Variants in MRPL34 observed in about 807,000 individuals in gnomAD.
The protein encoded by MRPL34 is large ribosomal subunit protein bL34m.
A neutral mutation model predicts 6.7 loss-of-function variants in MRPL34; 8 were observed. The observed-to-expected ratio is 1.20, with a 90% CI of 0.70 to 2.16. The LOEUF is 2.16. Ranked by LOEUF, MRPL34 falls within the 30% of genes most tolerant of loss-of-function variation. The pLI, the probability that MRPL34 is intolerant of heterozygous loss-of-function variation, is 0.00. For synonymous variants in MRPL34, 59 were observed against 55.1 expected, an observed-to-expected ratio of 1.07 and a Z score of -0.31; for missense variants, 146 against 125.5, an observed-to-expected ratio of 1.16 and a Z score of -0.78.
rs1039238148 is a variant in MRPL34, at chr19:17,294,240, A to G, written c.214+1386A>G. ...CGCAGAGGCCACGCCCCTCCCGGGC[A>G]GCACCCTGGGGATTTGTAGCTGTGG... On this transcript the variant is annotated intron_variant, in intron 1 of 2. Coordinates refer to the MRPL34 transcript ENST00000595444. 3 of 1,575,410 alleles carry G rather than the reference A, an allele frequency of 1.9e-6. No homozygotes were observed. The African/African-American group carries it at 4.0e-5, about 21-fold the overall frequency.
upstream of MRPL34, among the ~76,000 whole-genome samples, chr19:17,303,673 G>A (rs2074132516): frequency 6.6e-6 from 1 of 152,190 alleles, no homozygotes; most frequent in African/African-American, 2.4e-5. Flanking sequence ...GGGAGTGTGC[G>A]GCCGGGGCCC....
At chr19:17,294,286 A>T in intron 1 of MRPL34, 2 of 1,600,730 alleles carry the variant, frequency 1.2e-6, no homozygotes, top group Non-Finnish European at 1.7e-6. Context: ...GCCCGCCTCT[A>T]CCTCGGCCAT....
chr19:17,305,241 CTTTTTTTTTTT>C (rs34823570), upstream of MRPL34, among the ~76,000 whole-genome samples: 8 of 121,224 alleles, frequency 6.6e-5, no homozygotes, highest in South Asian at 1.6e-3. Flanking sequence ...ATTTTTCTTC[CTTTTTTTTTTT>C]TTTTTTTTTG....
At chr19:17,303,140 T>A (rs2074128922), upstream of MRPL34, 1 of 152,346 alleles carries the variant, frequency 6.6e-6, no homozygotes, top group Non-Finnish European at 1.5e-5. Context: ...TGGGGCTCCG[T>A]GGCTTCCTAC....
upstream of MRPL34, among the ~76,000 whole-genome samples, chr19:17,300,199 C>T (rs1319516607): frequency 6.6e-6 from 1 of 151,658 alleles, no homozygotes; most frequent in Non-Finnish European, 1.5e-5. Context: ...CCACCGCGCC[C>T]GGATTTTTTT....
chr19:17,301,476 C>T (rs1389524838), upstream of MRPL34: 1 of 1,611,618 alleles, frequency 6.2e-7, no homozygotes, highest in Non-Finnish European at 8.5e-7. Flanking sequence ...GTCCTGCATG[C>T]TTCACCCGCA....
At chr19:17,298,733 T>C (rs1656371820), upstream of MRPL34, among the ~76,000 whole-genome samples, 1 of 133,700 alleles carries the variant, frequency 7.5e-6, no homozygotes, top group Non-Finnish European at 1.6e-5. Context: ...TGAACAACAC[T>C]GCTTTTTTTT....
intron 1 of MRPL34, chr19:17,294,870 G>A: frequency 6.2e-7 from 1 of 1,608,030 alleles, no homozygotes; most frequent in Non-Finnish European, 8.5e-7. Context: ...TGGGGTGATA[G>A]GAGGATTGAA....
At chr19:17,294,557 G>A in intron 1 of MRPL34, 1 of 1,611,004 alleles carries the variant, frequency 6.2e-7, no homozygotes, top group African/African-American at 1.3e-5. Flanking sequence ...CGACTGCCGT[G>A]GGGTGCCCCC....
rs763607327 is a variant in MRPL34, at chr19:17,306,293, G to C, written c.193G>C (p.Gly65Arg). 6.2e-7 allele frequency: 1 copy of C among 1,610,008 alleles called. No individual in the cohort carries two copies. Among genetic ancestry groups the C allele is most frequent in the African/African-American group, 1.3e-5 (1 of 74,884 alleles). The change falls in exon 2 of 2, where the codon GGC (glycine) becomes CGC (arginine). Residue 65 changes from glycine to arginine, a missense_variant. Gly to Arg is a moderately radical substitution (Grantham distance 125). Coordinates refer to ENST00000252602, the MANE Select transcript of MRPL34 (RefSeq NM_023937.4). The part of the protein sequence containing the change: ...PSNIKRKNKH[G>R]WVRRLSTPAG... The stretch of plus-strand genomic sequence containing the variant: ...CAACATCAAACGCAAGAACAAGCAC[G>C]GCTGGGTCCGGCGCCTGAGCACGCC...
upstream of MRPL34, among the ~76,000 whole-genome samples, chr19:17,303,915 T>C (rs1378309251): frequency 3.9e-5 from 6 of 152,208 alleles, no homozygotes; most frequent in African/African-American, 1.4e-4. Context: ...CCCAAGGCTG[T>C]GTGATTCCAA....
chr19:17,301,412 G>A (rs1376563081), upstream of MRPL34: 1 of 1,612,114 alleles, frequency 6.2e-7, no homozygotes, highest in South Asian at 1.1e-5. Flanking sequence ...AGGTCCCCCT[G>A]GGCTGCATCC....
upstream of MRPL34, chr19:17,301,617 G>A (rs145834574): frequency 4.9e-3 from 7,560 of 1,541,124 alleles, 24 homozygotes; most frequent in Non-Finnish European, 6.2e-3. Flanking sequence ...CGGTCAGCAT[G>A]GTGTGTCCTG....
At chr19:17,301,368 G>T (rs748727592), upstream of MRPL34, 1 of 1,610,890 alleles carries the variant, frequency 6.2e-7, no homozygotes, top group Non-Finnish European at 8.5e-7. Context: ...TGCGGTACAC[G>T]GTGATCCGGC....
intron 1 of MRPL34, chr19:17,294,389 C>T: frequency 6.2e-7 from 1 of 1,614,008 alleles, no homozygotes; most frequent in Non-Finnish European, 8.5e-7. Context: ...ACCTCGTCGC[C>T]CTCGGGCCAG....
chr19:17,300,275 A>C (rs1186641373), upstream of MRPL34, among the ~76,000 whole-genome samples: 1 of 148,360 alleles, frequency 6.7e-6, no homozygotes, highest in Non-Finnish European at 1.5e-5. Flanking sequence ...GTGTGATCAC[A>C]GTTCACTGCA....
chr19:17,293,989 C>G (rs951656787), intron 1 of MRPL34, among the ~76,000 whole-genome samples: 3 of 152,144 alleles, frequency 2.0e-5, no homozygotes, highest in Admixed American at 6.5e-5. Context: ...CGGTCTCATA[C>G]AAATCCTCCG....
upstream of MRPL34, among the ~76,000 whole-genome samples, chr19:17,300,156 A>G (rs933975976): frequency 2.6e-5 from 4 of 151,080 alleles, no homozygotes; most frequent in Non-Finnish European, 5.9e-5. Flanking sequence ...CGCCCGCCTC[A>G]GCCTCCCAAA....
chr19:17,301,281 C>G, upstream of MRPL34: 1 of 1,604,320 alleles, frequency 6.2e-7, no homozygotes, highest in Non-Finnish European at 8.5e-7. Context: ...CGGCCGGCGG[C>G]TCCCCAGAGC....
Sources: gnomAD v4.1 joint callset for allele counts (sites outside exome capture counted in the v4.1 genomes callset) on GRCh38, gnomAD v4.1.1 for gene constraint, MANE v1.5 for transcripts, NCBI Gene and HGNC (gene_info 2026-07-23, HGNC 2026-07-21) for gene names.